The following DNER variants were observed in gnomAD, a reference collection of about 807,000 sequenced individuals.
The protein encoded by DNER is delta/notch like EGF repeat containing.
DNER carries 33 observed loss-of-function variants against 78.2 expected under a neutral mutation model. The observed-to-expected ratio is 0.42, with a 90% confidence interval of 0.32 to 0.56. The LOEUF (loss-of-function observed/expected upper bound fraction) is 0.56, where lower values mean the gene tolerates loss of function less well. DNER is among the 20% of genes least tolerant of loss of function. The probability of loss-of-function intolerance (pLI) is 0.11; values close to 1 mark genes in which losing one functional copy is unlikely to be tolerated. For synonymous variants in DNER, 417 were observed against 384.8 expected (o/e 1.08, Z -0.98); for missense variants, 918 against 975.3 (o/e 0.94, Z 0.78).
At chr2:229,576,332 T>C (rs77518747) in intron 4 of DNER, among the ~76,000 whole-genome samples, 8 of 149,266 alleles carry the variant, frequency 5.4e-5, no homozygotes, top group African/African-American at 2.0e-4. Context: ...CTCTCTCTTT[T>C]TTTTTTTTTT....
intron 6 of DNER, among the ~76,000 whole-genome samples, chr2:229,497,214 A>G (rs894797363): frequency 3.4e-4 from 52 of 152,334 alleles, no homozygotes; most frequent in African/African-American, 9.9e-4. Context: ...TAAGTCAAAG[A>G]ATAAATCAAA....
chr2:229,424,101 T>C (rs1693822159), intron 8 of DNER, among the ~76,000 whole-genome samples: 1 of 152,218 alleles, frequency 6.6e-6, no homozygotes, highest in Admixed American at 6.5e-5. Flanking sequence ...ACTTTTAAAA[T>C]GTTTCCATGG....
intron 12 of DNER, among the ~76,000 whole-genome samples, chr2:229,359,017 T>C (rs1692154123): frequency 6.6e-6 from 1 of 152,186 alleles, no homozygotes; most frequent in African/African-American, 2.4e-5. Context: ...ATTTTATATC[T>C]ACTCCAGTGC....
chr2:229,643,449 G>C (rs908698247), intron 1 of DNER, among the ~76,000 whole-genome samples: 3 of 152,194 alleles, frequency 2.0e-5, no homozygotes, highest in Admixed American at 6.5e-5. Flanking sequence ...TTGATTAGCA[G>C]GATAATCCCT....
rs748186863 is a variant in DNER at position 229,585,976 on chromosome 2, C to G, written c.729G>C (p.Thr243=). 1.2e-5 allele frequency: 19 copies of G among 1,613,868 alleles called. No individual in the cohort carries two copies. The highest frequency in any genetic ancestry group is 1.4e-5 in the Non-Finnish European group (16 of 1,179,954). The change falls in exon 4 of 13, where the codon ACG becomes ACC. Residue 243 remains threonine (T), a synonymous_variant. Transcript: ENST00000341772. ...GGGAGCACTGTTGGAATCCTGTGGC[C>G]GTGACCTTCCAGAGCAAAATCAGTG... ...TASLILLWKV[T]ATGFQQCSLI...
intron 5 of DNER, among the ~76,000 whole-genome samples, chr2:229,530,437 C>G (rs2154212805): frequency 6.6e-6 from 1 of 152,340 alleles, no homozygotes; most frequent in East Asian, 1.9e-4. Flanking sequence ...CATTTGAGCC[C>G]TAAACGATAT....
At chr2:229,535,505 C>T (rs1447265568) in intron 5 of DNER, among the ~76,000 whole-genome samples, 1 of 152,162 alleles carries the variant, frequency 6.6e-6, no homozygotes, top group Non-Finnish European at 1.5e-5. Context: ...TCATTAGTTG[C>T]CAATGCCCAG....
chr2:229,378,687 T>C (rs1380767130), intron 11 of DNER, among the ~76,000 whole-genome samples: 1 of 152,150 alleles, frequency 6.6e-6, no homozygotes, highest in Non-Finnish European at 1.5e-5. Context: ...CCAGGCATCC[T>C]CCTCTTGGTT....
At chr2:229,377,792 A>T (rs139408434) in intron 11 of DNER, among the ~76,000 whole-genome samples, 83 of 152,336 alleles carry the variant, frequency 5.4e-4, no homozygotes, top group African/African-American at 1.8e-3. Context: ...GTAATATTTA[A>T]GAACAAAGAG....
chr2:229,660,013 A>G (rs1698981589), intron 1 of DNER, among the ~76,000 whole-genome samples: 3 of 152,122 alleles, frequency 2.0e-5, no homozygotes, highest in Non-Finnish European at 4.4e-5. Context: ...CATACCTCAT[A>G]TGTGTATAGA....
chr2:229,713,307 T>C (rs1490172188), intron 1 of DNER, among the ~76,000 whole-genome samples: 1 of 152,222 alleles, frequency 6.6e-6, no homozygotes, highest in Non-Finnish European at 1.5e-5. Context: ...AAGCCCCAGA[T>C]ATTATTTTCT....
rs774633364 is a variant in DNER, at chr2:229,447,556, T to A, written c.1262-16A>T. On this transcript the variant is annotated splice_polypyrimidine_tract_variant and intron_variant, in intron 7 of 12. Coordinates refer to ENST00000341772, the MANE Select transcript of DNER (RefSeq NM_139072.4). ...CCGAAGTATCCTGTGAAAAAACACA[T>A]GAGAGCTTAAAAAAACTAAAACACA... 2 of 1,610,170 alleles carry A rather than the reference T, an allele frequency of 1.2e-6. No individual in the cohort carries two copies. The highest frequency in any genetic ancestry group is 1.7e-6 in the Non-Finnish European group (2 of 1,177,710).
intron 8 of DNER, among the ~76,000 whole-genome samples, chr2:229,429,136 G>A (rs552661076): frequency 1.3e-5 from 2 of 152,164 alleles, no homozygotes; most frequent in African/African-American, 4.8e-5. Flanking sequence ...ATGGGGGCTG[G>A]GGGTACAATG....
At chr2:229,367,472 A>G (rs745336050) in intron 11 of DNER, among the ~76,000 whole-genome samples, 1 of 151,998 alleles carries the variant, frequency 6.6e-6, no homozygotes, top group Non-Finnish European at 1.5e-5. Context: ...GTGGTGGTGG[A>G]TGTCTGTAAT....
chr2:229,408,104 T>C (rs1693429884), intron 9 of DNER, among the ~76,000 whole-genome samples: 3 of 152,114 alleles, frequency 2.0e-5, no homozygotes, highest in Admixed American at 2.0e-4. Context: ...GAAGAGGCAT[T>C]TTTTAAAAAA....
intron 1 of DNER, among the ~76,000 whole-genome samples, chr2:229,610,830 T>A (rs542286082): frequency 1.3e-5 from 2 of 152,370 alleles, no homozygotes; most frequent in South Asian, 2.1e-4. Flanking sequence ...GCTGCTTACA[T>A]CCACAGTTCC....
At chr2:229,396,717 T>C (rs1393911590) in intron 10 of DNER, among the ~76,000 whole-genome samples, 1 of 152,162 alleles carries the variant, frequency 6.6e-6, no homozygotes, top group Non-Finnish European at 1.5e-5. Context: ...CTGTCATAGC[T>C]AAAATAAAAG....
In DNER at chr2:229,672,972, G is replaced by C. The variant is rs1005899940; in HGVS notation, c.276+41176C>G. ...CACCCAATGACCACTGTCGTTTTGAGAGCCGCCCTGTGCACTGCTCTCAGG... is the reference window on the plus strand; with the variant it reads ...CACCCAATGACCACTGTCGTTTTGACAGCCGCCCTGTGCACTGCTCTCAGG... On this transcript the variant is annotated intron_variant, in intron 1 of 12. Coordinates refer to ENST00000341772, the MANE Select transcript of DNER (RefSeq NM_139072.4). 6.4e-4 allele frequency among the ~76,000 whole-genome samples: 97 copies of C among 152,162 alleles called. 1 individual carries two copies. Among genetic ancestry groups the C allele is most frequent in the African/African-American group, 2.3e-3 (95 of 41,420 alleles).
chr2:229,651,526 A>G (rs1012679246), intron 1 of DNER, among the ~76,000 whole-genome samples: 18 of 152,316 alleles, frequency 1.2e-4, no homozygotes, highest in African/African-American at 4.3e-4. Flanking sequence ...ATTGCAGGAC[A>G]GATGCTCTTT....
Sources: gnomAD v4.1 joint callset for allele counts (sites outside exome capture counted in the v4.1 genomes callset) on GRCh38, gnomAD v4.1.1 for gene constraint, MANE v1.5 for transcripts, NCBI Gene and HGNC (gene_info 2026-07-23, HGNC 2026-07-21) for gene names.